The following ZMAT4 variants were observed in gnomAD, a reference collection of about 807,000 sequenced individuals.
ZMAT4 encodes the protein zinc finger matrin-type 4.
Under a neutral mutation model 28.7 loss-of-function variants are expected in ZMAT4, and 17 were observed. The ratio of observed to expected loss-of-function variants is 0.59; its 90% CI spans 0.41 to 0.89. The LOEUF (loss-of-function observed/expected upper bound fraction) is 0.89. Ranked by LOEUF, ZMAT4 falls within the 40% of genes least tolerant of loss-of-function variation. The probability of loss-of-function intolerance (pLI) is 0.00; values close to 1 mark genes in which losing one functional copy is unlikely to be tolerated. For missense variants in ZMAT4, 240 were observed against 283.8 expected (o/e 0.85, Z 1.11); for synonymous variants, 117 against 109.2 (o/e 1.07, Z -0.44).
intron 5 of ZMAT4, among the ~76,000 whole-genome samples, chr8:40,629,510 C>A (rs543191454): frequency 6.6e-6 from 1 of 151,442 alleles, no homozygotes; most frequent in Non-Finnish European, 1.5e-5. Flanking sequence ...CACCCATTAA[C>A]TCGTCATTTA....
chr8:40,787,768 G>A (rs1236826992), intron 2 of ZMAT4, among the ~76,000 whole-genome samples: 1 of 152,218 alleles, frequency 6.6e-6, no homozygotes, highest in Non-Finnish European at 1.5e-5. Context: ...TGGGCAAAGG[G>A]AGGATTCACA....
intron 1 of ZMAT4, among the ~76,000 whole-genome samples, chr8:40,881,308 G>A (rs193239094): frequency 1.1e-3 from 164 of 151,574 alleles, no homozygotes; most frequent in Middle Eastern, 3.4e-3. Context: ...AGAATCACCT[G>A]AGCCCAGGAG....
chr8:40,759,133 T>C (rs1288468224), intron 3 of ZMAT4, among the ~76,000 whole-genome samples: 3 of 151,664 alleles, frequency 2.0e-5, no homozygotes, highest in African/African-American at 7.3e-5. Flanking sequence ...ATTACAAAAA[T>C]TGGCAGGGCA....
chr8:40,788,654 CA>C (rs201216764), intron 2 of ZMAT4, among the ~76,000 whole-genome samples: 1 of 150,152 alleles, frequency 6.7e-6, no homozygotes, highest in Non-Finnish European at 1.5e-5. Flanking sequence ...CAAACATTAA[CA>C]AAAAAAACAC....
intron 2 of ZMAT4, among the ~76,000 whole-genome samples, chr8:40,818,581 T>C (rs1026526877): frequency 6.6e-5 from 10 of 152,240 alleles, no homozygotes; most frequent in Non-Finnish European, 1.3e-4. Flanking sequence ...TCTCAATGTG[T>C]AGTGCAAAGA....
At chr8:40,882,064 C>A (rs1445437532) in intron 1 of ZMAT4, among the ~76,000 whole-genome samples, 2 of 152,138 alleles carry the variant, frequency 1.3e-5, no homozygotes, top group Non-Finnish European at 2.9e-5. Context: ...CATTTCTTTC[C>A]TTTGAAATCA....
chr8:40,863,830 C>T (rs1335860249), intron 1 of ZMAT4, among the ~76,000 whole-genome samples: 2 of 152,154 alleles, frequency 1.3e-5, no homozygotes, highest in African/African-American at 4.8e-5. Flanking sequence ...AAAGTAAAGC[C>T]ATCTATCACC....
chr8:40,744,768 G>A (rs1812149298), intron 3 of ZMAT4, among the ~76,000 whole-genome samples: 1 of 152,170 alleles, frequency 6.6e-6, no homozygotes, highest in African/African-American at 2.4e-5. Context: ...GTTTTAGCTG[G>A]TCTCTTCTCT....
intron 5 of ZMAT4, among the ~76,000 whole-genome samples, chr8:40,672,098 CA>C (rs1253628166): frequency 2.0e-5 from 3 of 150,660 alleles, no homozygotes; most frequent in African/African-American, 4.9e-5. Context: ...AAAGAAAATA[CA>C]AAAAAAAGTA....
chr8:40,638,831 T>G (rs964810068), intron 5 of ZMAT4, among the ~76,000 whole-genome samples: 1 of 152,202 alleles, frequency 6.6e-6, no homozygotes. Flanking sequence ...TACAAGGTAA[T>G]AAGTATGGGG....
intron 3 of ZMAT4, 86 bp downstream of exon 3, chr8:40,767,554 TG>T: frequency 9.3e-7 from 1 of 1,076,906 alleles, no homozygotes; most frequent in Non-Finnish European, 1.3e-6. Context: ...TCTATGAATC[TG>T]GACTAGACTA....
At chr8:40,778,361 T>C (rs1165067984) in intron 2 of ZMAT4, among the ~76,000 whole-genome samples, 1 of 152,142 alleles carries the variant, frequency 6.6e-6, no homozygotes, top group African/African-American at 2.4e-5. Flanking sequence ...CAGTGTAAAA[T>C]AATGTGCACA....
chr8:40,692,582 A>G (rs757891594), intron 4 of ZMAT4, among the ~76,000 whole-genome samples: 6 of 152,194 alleles, frequency 3.9e-5, no homozygotes, highest in Non-Finnish European at 7.3e-5. Context: ...CACACAATCA[A>G]TTGCAAGTCT....
chr8:40,532,170 C>T lies in ZMAT4; in HGVS notation c.*53G>A, dbSNP rs1802711066. 1 of 1,533,242 alleles carries T rather than the reference C, an allele frequency of 6.5e-7. No individual in the cohort carries two copies. Among genetic ancestry groups the T allele is most frequent in the African/African-American group, 1.4e-5 (1 of 72,144 alleles). 95.0% of individuals were successfully genotyped at this position (1,533,242 alleles called of 1,614,324 possible). The stretch of plus-strand genomic sequence containing the variant: ...CCTCTGGTGGTTGATAAGCAATTCT[C>T]CACGGCAGAGAAATGCTAATGTTTT... On this transcript the variant is annotated 3_prime_UTR_variant, in exon 7 of 7. Transcript: ENST00000297737.
chr8:40,803,926 G>T (rs747862672), intron 2 of ZMAT4, among the ~76,000 whole-genome samples: 3 of 152,100 alleles, frequency 2.0e-5, no homozygotes, highest in Non-Finnish European at 4.4e-5. Context: ...CCCATGAAAA[G>T]ACATGAAGGA....
intron 1 of ZMAT4, among the ~76,000 whole-genome samples, chr8:40,836,941 T>C (rs1473646254): frequency 6.6e-6 from 1 of 152,140 alleles, no homozygotes; most frequent in African/African-American, 2.4e-5. Flanking sequence ...CATAGGTAGA[T>C]AGAAACTAGA....
At chr8:40,785,824 T>G (rs929214507) in intron 2 of ZMAT4, among the ~76,000 whole-genome samples, 1 of 152,136 alleles carries the variant, frequency 6.6e-6, no homozygotes, top group African/African-American at 2.4e-5. Context: ...ACCCTTTCCC[T>G]CCCACCATCT....
chr8:40,757,258 T>G (rs1812736392), intron 3 of ZMAT4, among the ~76,000 whole-genome samples: 1 of 152,138 alleles, frequency 6.6e-6, no homozygotes, highest in Non-Finnish European at 1.5e-5. Context: ...TGTGAATGAC[T>G]ACAAATGTGT....
chr8:40,766,466 A>G (rs1453066197), intron 3 of ZMAT4, among the ~76,000 whole-genome samples: 1 of 152,154 alleles, frequency 6.6e-6, no homozygotes, highest in Admixed American at 6.5e-5. Flanking sequence ...GGCCTTCAAG[A>G]GATCAATTAT....
Sources: allele counts gnomAD v4.1 joint callset (sites outside exome capture counted in the v4.1 genomes callset), GRCh38; gene constraint gnomAD v4.1.1; transcripts MANE v1.5; gene names NCBI Gene and HGNC (gene_info 2026-07-23, HGNC 2026-07-21).